Variants in DGKK observed in about 807,000 individuals in gnomAD.
The protein encoded by DGKK is diacylglycerol kinase kappa.
In DGKK, 35 loss-of-function variants were observed where a neutral mutation model predicts 92.2. The observed-to-expected ratio is 0.38, with a 90% CI of 0.29 to 0.50. DGKK has a LOEUF of 0.50. Ranked by LOEUF, DGKK falls within the 20% of genes least tolerant of loss-of-function variation. The pLI, the probability that DGKK is intolerant of heterozygous loss-of-function variation, is 0.92. For missense variants in DGKK, 910 were observed against 992.2 expected, an observed-to-expected ratio of 0.92 and a Z score of 1.11; for synonymous variants, 368 against 360.6, an observed-to-expected ratio of 1.02 and a Z score of -0.23.
chrX:50,436,698 G>A (rs1422543870), intron 1 of DGKK, among the ~76,000 whole-genome samples: 3 of 110,849 alleles, frequency 2.7e-5, no homozygotes, highest in African/African-American at 9.8e-5. Flanking sequence ...AACCCTGAGG[G>A]GTAGGCCAGG....
intron 4 of DGKK, among the ~76,000 whole-genome samples, chrX:50,406,206 C>T (rs1466382897): frequency 8.9e-6 from 1 of 111,878 alleles, no homozygotes; most frequent in Non-Finnish European, 1.9e-5. Flanking sequence ...TAAATTTCAT[C>T]ATCTAAATTG....
At chrX:50,461,410 A>C (rs1926741827) in intron 1 of DGKK, among the ~76,000 whole-genome samples, 1 of 112,417 alleles carries the variant, frequency 8.9e-6, no homozygotes, top group Non-Finnish European at 1.9e-5. Context: ...AAATAAATGA[A>C]AAATATAGCA....
rs781784401 is a variant in DGKK at position 50,374,996 on chromosome X, G to A, written c.3476C>T (p.Thr1159Ile). 1 of 1,209,573 alleles carries A rather than the reference G, an allele frequency of 8.3e-7. No homozygotes were observed. The highest frequency in any genetic ancestry group is 3.0e-5 in the East Asian group (1 of 33,762). ...CAGCTTTTCATCCAGGAAAGCTGTGGTGTCATCGTAGAGACCTTTAAGACT... is the reference window on the plus strand; with the variant it reads ...CAGCTTTTCATCCAGGAAAGCTGTGATGTCATCGTAGAGACCTTTAAGACT... ...TFSLKGLYDD[T>I]TAFLDEKLLR... Residue 1159 changes from threonine to isoleucine, a missense_variant, in exon 25 of 28, where the codon ACC becomes ATC. By Grantham distance (89) the Thr-to-Ile change is moderately conservative. Coordinates refer to ENST00000611977, the MANE Select transcript of DGKK (RefSeq NM_001013742.4).
At chrX:50,380,522 G>C (rs782067057) in intron 18 of DGKK, among the ~76,000 whole-genome samples, 11 of 111,126 alleles carry the variant, frequency 9.9e-5, no homozygotes, top group Non-Finnish European at 1.9e-4. Flanking sequence ...AACTTTTCTG[G>C]CAAAGTGAAG....
intron 4 of DGKK, among the ~76,000 whole-genome samples, chrX:50,410,290 C>G (rs1344161767): frequency 8.9e-6 from 1 of 111,848 alleles, no homozygotes; most frequent in African/African-American, 3.3e-5. Flanking sequence ...CTTCTATCTT[C>G]TTAGAGTATA....
At chrX:50,446,669 C>A (rs1162811316) in intron 1 of DGKK, among the ~76,000 whole-genome samples, 1 of 111,257 alleles carries the variant, frequency 9.0e-6, no homozygotes, top group Non-Finnish European at 1.9e-5. Context: ...TCCTAATCTG[C>A]AATTTGTCTT....
At chrX:50,377,939 G>A (rs1424442085) in intron 22 of DGKK, among the ~76,000 whole-genome samples, 159 bp downstream of exon 22, 1 of 110,979 alleles carries the variant, frequency 9.0e-6, no homozygotes, top group Non-Finnish European at 1.9e-5. Flanking sequence ...TCTGGTGTGG[G>A]GGCCCAAGAA....
intron 4 of DGKK, among the ~76,000 whole-genome samples, chrX:50,408,168 C>T (rs1479586173): frequency 6.3e-5 from 7 of 111,563 alleles, no homozygotes; most frequent in Non-Finnish European, 1.9e-5. Flanking sequence ...GTGGAGTTGT[C>T]TCCTGGGTTC....
rs782382668 is a variant in DGKK at position 50,366,166 on chromosome X, G to C, written c.*2774C>G. 2 of 112,222 alleles carry C rather than the reference G, an allele frequency of 1.8e-5. No individual in the cohort carries two copies. The highest frequency in any genetic ancestry group is 3.8e-5 in the Non-Finnish European group (2 of 53,240). 9.2% of individuals were successfully genotyped at this position (112,222 alleles called of 1,213,427 possible). A position where few individuals can be genotyped will look rare whatever the true frequency, so the allele number is the denominator to read the frequency against. ...AGCAATTGTATTAATTACTGCAAGT[G>C]GTTAACAAAGTCCTTAAAGGAGCTC... On this transcript the variant is annotated 3_prime_UTR_variant, in exon 28 of 28. Transcript: ENST00000611977.
At chrX:50,428,631 G>T (rs781959747) in intron 1 of DGKK, among the ~76,000 whole-genome samples, 1 of 111,738 alleles carries the variant, frequency 8.9e-6, no homozygotes, top group Non-Finnish European at 1.9e-5. Context: ...GGATAGGCAA[G>T]GGCTCTCCCT....
chrX:50,420,317 A>G (rs1158214523), intron 4 of DGKK, 86 bp downstream of exon 4: 27 of 855,963 alleles, frequency 3.2e-5, no homozygotes, highest in Non-Finnish European at 1.2e-5. Flanking sequence ...CCATCTTATT[A>G]TTTCCCTGCT....
intron 4 of DGKK, among the ~76,000 whole-genome samples, chrX:50,413,864 T>C (rs1472544501): frequency 8.9e-6 from 1 of 111,738 alleles, no homozygotes; most frequent in Non-Finnish European, 1.9e-5. Flanking sequence ...TAGGTATATG[T>C]GAAAAGAAAC....
chrX:50,456,268 C>T (rs1297572984), intron 1 of DGKK, among the ~76,000 whole-genome samples: 1 of 111,405 alleles, frequency 9.0e-6, no homozygotes, highest in Non-Finnish European at 1.9e-5. Context: ...ATTAGTAGAA[C>T]GCTATTTTAG....
At chrX:50,379,490 G>A (rs1279798377) in intron 20 of DGKK, 137 bp downstream of exon 20, 9 of 489,926 alleles carry the variant, frequency 1.8e-5, no homozygotes, top group Admixed American at 3.4e-5. Flanking sequence ...TCATACAGCT[G>A]CTGCTAATAA....
intron 9 of DGKK, among the ~76,000 whole-genome samples, chrX:50,392,716 C>T (rs971027917): frequency 1.8e-5 from 2 of 112,528 alleles, no homozygotes; most frequent in South Asian, 7.4e-4. Flanking sequence ...CAGGAAGATG[C>T]CTTGCATGGT....
intron 7 of DGKK, among the ~76,000 whole-genome samples, chrX:50,401,663 G>C (rs1468815453): frequency 9.1e-6 from 1 of 109,920 alleles, no homozygotes; most frequent in Non-Finnish European, 1.9e-5. Context: ...ATTCTTTCCA[G>C]ATTTCTGACA....
intron 1 of DGKK, among the ~76,000 whole-genome samples, chrX:50,426,572 T>G (rs1925747566): frequency 1.8e-5 from 2 of 111,049 alleles, no homozygotes; most frequent in South Asian, 7.7e-4. Flanking sequence ...CAGAGCCTAC[T>G]CCCAACAAAC....
At chrX:50,388,691 T>G in intron 12 of DGKK, 73 bp from the exon 13 acceptor site, 4 of 719,092 alleles carry the variant, frequency 5.6e-6, no homozygotes, top group Non-Finnish European at 8.2e-6. Flanking sequence ...CCTCATCCCC[T>G]GCAGCCTCAT....
intron 20 of DGKK, among the ~76,000 whole-genome samples, chrX:50,379,310 C>T (rs782402324): frequency 1.1e-3 from 95 of 85,467 alleles, no homozygotes; most frequent in South Asian, 1.3e-3. Context: ...AGCAAGACTC[C>T]GTTTCAAAAA....
Sources: gnomAD v4.1 joint callset for allele counts (sites outside exome capture counted in the v4.1 genomes callset) on GRCh38, gnomAD v4.1.1 for gene constraint, MANE v1.5 for transcripts, NCBI Gene and HGNC (gene_info 2026-07-23, HGNC 2026-07-21) for gene names.